Variants in TRIM17 observed in about 807,000 individuals in gnomAD.
TRIM17 encodes the protein tripartite motif containing 17.
TRIM17 carries 27 observed loss-of-function variants against 35.8 expected under a neutral mutation model. That is an observed-to-expected ratio of 0.75 (90% CI 0.56 to 1.04). The LOEUF is 1.04. Among genes scored for constraint, TRIM17 ranks in the 50% least tolerant of loss-of-function variants. TRIM17 has a pLI of 0.00. For synonymous variants in TRIM17, 246 were observed against 252.6 expected, an observed-to-expected ratio of 0.97 and a Z score of 0.25; for missense variants, 582 against 612.8, an observed-to-expected ratio of 0.95 and a Z score of 0.53.
Position 228,411,316 on chromosome 1 carries a change from G to A in TRIM17, c.526-140C>T, listed in dbSNP as rs531642716. ...GTTGGGGACCAGGAACTGTGACAGA[G>A]GCCCCCACCTCTGCCATCCTGTGAT... On this transcript the variant is annotated intron_variant, in intron 3 of 6. Coordinates refer to ENST00000366698, the MANE Select transcript of TRIM17 (RefSeq NM_016102.4). This position sits in a 1 kb window ranked among gnomAD's most constrained non-coding sequence, Gnocchi z 4.2. 2.1e-5 allele frequency: 14 copies of A among 672,718 alleles called. No individual in the cohort carries two copies. Among genetic ancestry groups the A allele is most frequent in the African/African-American group, 3.6e-5 (2 of 55,902 alleles). The allele number at this position is 672,718 out of a possible 1,614,324, so 41.7% of individuals were successfully genotyped here. A position where few individuals can be genotyped will look rare whatever the true frequency, so the allele number is the denominator to read the frequency against.
rs1005058010 is a variant in TRIM17 at position 228,408,877 on chromosome 1, T to C, written c.884-126A>G. 3 of 1,482,944 alleles carry C rather than the reference T, an allele frequency of 2.0e-6. No individual in the cohort carries two copies. In the African/African-American group the frequency reaches 4.2e-5, roughly 21 times the overall value. The allele number at this position is 1,482,944 out of a possible 1,614,324, so 91.9% of individuals were successfully genotyped here. A position where few individuals can be genotyped will look rare whatever the true frequency, so the allele number is the denominator to read the frequency against. On this transcript the variant is annotated intron_variant, in intron 6 of 6. Coordinates refer to ENST00000366698, the MANE Select transcript of TRIM17 (RefSeq NM_016102.4). This position sits in a 1 kb window ranked among gnomAD's most constrained non-coding sequence, Gnocchi z 6.3. ...CCCCTAACTCCGCAGAGGCCTCCCC[T>C]GCTGTGAATCTGGGGTTACTTGATG...
intron 3 of TRIM17, among the ~76,000 whole-genome samples, chr1:228,412,294 G>A (rs1032891371): frequency 4.6e-5 from 7 of 151,978 alleles, no homozygotes; most frequent in African/African-American, 9.7e-5. Context: ...TAAGGCTGCC[G>A]TTTCTGGTAC....
Position 228,416,852 on chromosome 1 carries a change from G to C in TRIM17, c.-355C>G. The C allele has an allele frequency of 1.0e-6, 1 of 985,162 alleles. No homozygotes were observed. The highest frequency in any genetic ancestry group is 1.2e-6 in the Non-Finnish European group (1 of 830,112). 61.0% of individuals were successfully genotyped at this position (985,162 alleles called of 1,614,324 possible). On this transcript the variant is annotated 5_prime_UTR_variant, in exon 1 of 7. Coordinates refer to ENST00000366698, the MANE Select transcript of TRIM17 (RefSeq NM_016102.4). ...GGACGAGCCGGGGACAGGCGCAGCG[G>C]GTGCTGACTGGGCGGTGGGGAGGAT...
chr1:228,409,292 CAG>C lies in TRIM17; in HGVS notation c.780-19_780-18del. On this transcript the variant is annotated intron_variant, in intron 5 of 6. Coordinates refer to ENST00000366698, the MANE Select transcript of TRIM17 (RefSeq NM_016102.4). ...TTGTTCTTCCTCCGGTGGGCACACA[CAG>C]GGGAGTCTTATTGACTCCCCTGGCC... 6.2e-7 allele frequency: 1 copy of C among 1,612,912 alleles called. No homozygotes were observed. Among genetic ancestry groups the C allele is most frequent in the Non-Finnish European group, 8.5e-7 (1 of 1,179,286 alleles).
intron 1 of TRIM17, 108 bp downstream of exon 1, chr1:228,416,431 G>T (rs1369282975): frequency 3.0e-6 from 3 of 986,714 alleles, no homozygotes; most frequent in Non-Finnish European, 3.6e-6. Flanking sequence ...GCGGCCGGCG[G>T]AGGCGGGAAG....
In TRIM17 at chr1:228,408,441, C is replaced by A; in HGVS notation, c.1194G>T (p.Lys398Asn). 1 of 1,614,204 alleles carries A rather than the reference C, an allele frequency of 6.2e-7. No homozygotes were observed. The stretch of plus-strand genomic sequence containing the variant: ...TTAGGGCAGAGAAGGTGGATAAGTA[C>A]TTGGTCCCCTTGGACAGCTGCACCA... ...FWVVQLSKGTKYLSTFSALTP... is the reference protein window; with the variant it reads ...FWVVQLSKGTNYLSTFSALTP... The change falls in exon 7 of 7, where the codon AAG becomes AAT. Residue 398 changes from lysine to asparagine, a missense_variant. Coordinates refer to ENST00000366698, the MANE Select transcript of TRIM17 (RefSeq NM_016102.4). The surrounding 1 kb of genome is among the most constrained non-coding windows in gnomAD (Gnocchi z 6.3).
chr1:228,408,740 GCAC>G lies in TRIM17; in HGVS notation c.892_894del (p.Val298del). 1 of 1,600,910 alleles carries G rather than the reference GCAC, an allele frequency of 6.2e-7. No individual in the cohort carries two copies. Among genetic ancestry groups the G allele is most frequent in the Non-Finnish European group, 8.5e-7 (1 of 1,179,618 alleles). On this transcript the variant is annotated inframe_deletion, in exon 7 of 7. Coordinates refer to ENST00000366698, the MANE Select transcript of TRIM17 (RefSeq NM_016102.4). This position sits in a 1 kb window ranked among gnomAD's most constrained non-coding sequence, Gnocchi z 6.3. The stretch of plus-strand genomic sequence containing the variant: ...TAGGGGTACGCGGAGGTGGCATCAG[GCAC>G]CACATCCTCTGTAGATGGGCGTGGT...
intron 3 of TRIM17, 73 bp downstream of exon 3, chr1:228,413,724 G>T: frequency 1.6e-6 from 2 of 1,284,454 alleles, no homozygotes; most frequent in Non-Finnish European, 2.2e-6. Context: ...ATCCCCACGG[G>T]CAGACACAGA....
chr1:228,408,693 G>T lies in TRIM17; in HGVS notation c.942C>A (p.Arg314=). The T allele has an allele frequency of 6.2e-7, 1 of 1,608,868 alleles. No individual in the cohort carries two copies. The highest frequency in any genetic ancestry group is 8.5e-7 in the Non-Finnish European group (1 of 1,179,998). ...AYPYLLLYES[R]QRRYLGSSPE... is the part of the protein sequence containing the mutation. Reference sequence around the variant, plus strand: ...GCGAAGAGCCGAGGTAGCGCCTCTGGCGGCTCTCATACAGGAGGAGGTAGG... The same window carrying T: ...GCGAAGAGCCGAGGTAGCGCCTCTGTCGGCTCTCATACAGGAGGAGGTAGG... The change falls in exon 7 of 7, where the codon CGC becomes CGA. Residue 314 remains arginine, a synonymous_variant. Coordinates refer to ENST00000366698, the MANE Select transcript of TRIM17 (RefSeq NM_016102.4). The surrounding 1 kb of genome is among the most constrained non-coding windows in gnomAD (Gnocchi z 6.3).
At position 228,410,838 on chromosome 1, in the gene TRIM17, G is replaced by A; in HGVS notation, c.756+108C>T. ...CCAGCCTCCAGGACTAGCAGACTGG[G>A]AGCTAACAGCCCTTTCCCGTTGGCT... On this transcript the variant is annotated intron_variant, in intron 4 of 6. Transcript: ENST00000366698. The surrounding 1 kb of genome is among the most constrained non-coding windows in gnomAD (Gnocchi z 4.6). 1.3e-6 allele frequency: 1 copy of A among 780,866 alleles called. No homozygotes were observed. 48.4% of individuals were successfully genotyped at this position (780,866 alleles called of 1,614,324 possible). A position where few individuals can be genotyped will look rare whatever the true frequency, so the allele number is the denominator to read the frequency against.
rs531181874 is a variant in TRIM17 at position 228,411,946 on chromosome 1, C to T, written c.526-770G>A. Among the ~76,000 whole-genome samples the T allele has an allele frequency of 6.6e-6, 1 of 152,308 alleles. No individual in the cohort carries two copies. The highest frequency in any genetic ancestry group is 2.4e-5 in the African/African-American group (1 of 41,560). ...TTTGAACTGGGCTCCTGCGCTGGGT[C>T]CTAGAAGACCAGACCCAACCAGAAT... On this transcript the variant is annotated intron_variant, in intron 3 of 6. Transcript: ENST00000366698. The surrounding 1 kb of genome is among the most constrained non-coding windows in gnomAD (Gnocchi z 4.2).
intron 2 of TRIM17, among the ~76,000 whole-genome samples, chr1:228,414,147 G>A (rs1656949805): frequency 6.6e-6 from 1 of 152,188 alleles, no homozygotes; most frequent in Non-Finnish European, 1.5e-5. Context: ...TGCCAGAGAG[G>A]ACTGCCCTAG....
rs1657167235 is a variant in TRIM17, at chr1:228,416,764, G to A, written c.-267C>T. The A allele has an allele frequency of 5.1e-6, 5 of 983,740 alleles. No individual in the cohort carries two copies. The highest frequency in any genetic ancestry group is 6.0e-6 in the Non-Finnish European group (5 of 829,064). 60.9% of individuals were successfully genotyped at this position (983,740 alleles called of 1,614,324 possible). On this transcript the variant is annotated 5_prime_UTR_variant, in exon 1 of 7. Transcript: ENST00000366698. ...GTGTTCGGCGGCCGGGACTGGGGCG[G>A]CGCCTCTTAGGAGAGGTTGGGGGTG... is the stretch of plus-strand genomic sequence containing the variant.
Position 228,414,869 on chromosome 1 carries a change from C to T in TRIM17, c.204G>A (p.Met68Ile), listed in dbSNP as rs764214671. 6.2e-7 allele frequency: 1 copy of T among 1,613,640 alleles called. No homozygotes were observed. Among genetic ancestry groups the T allele is most frequent in the Non-Finnish European group, 8.5e-7 (1 of 1,180,020 alleles). The part of the protein sequence containing the change: ...GSFPCPECRE[M>I]SPQRNLLPNR... ...TGGGCAGCAGGTTCCTCTGCGGGGACATCTCTCTGCACTCGGGGCAGGGGA... is the reference window on the plus strand; with the variant it reads ...TGGGCAGCAGGTTCCTCTGCGGGGATATCTCTCTGCACTCGGGGCAGGGGA... Residue 68 changes from methionine (M) to isoleucine (I), a missense_variant, in exon 2 of 7, where the codon ATG becomes ATA. Physicochemically the swap from Met to Ile is conservative, Grantham distance 10 (BLOSUM62 1). Transcript: ENST00000366698.
chr1:228,411,620 C>G lies in TRIM17; in HGVS notation c.526-444G>C, dbSNP rs1656792056. Among the ~76,000 whole-genome samples, 1 of 152,038 alleles carries G rather than the reference C, an allele frequency of 6.6e-6. No individual in the cohort carries two copies. The highest frequency in any genetic ancestry group is 2.4e-5 in the African/African-American group (1 of 41,376). On this transcript the variant is annotated intron_variant, in intron 3 of 6. Coordinates refer to ENST00000366698, the MANE Select transcript of TRIM17 (RefSeq NM_016102.4). This position sits in a 1 kb window ranked among gnomAD's most constrained non-coding sequence, Gnocchi z 4.2. ...GGACCACAGGCATGCACCACCACAT[C>G]CAGCTAGTTTTTAAATTTTGTGTAG... is the stretch of plus-strand genomic sequence containing the variant.
chr1:228,411,252 C>T lies in TRIM17; in HGVS notation c.526-76G>A, dbSNP rs1656770862. On this transcript the variant is annotated intron_variant, in intron 3 of 6. Coordinates refer to ENST00000366698, the MANE Select transcript of TRIM17 (RefSeq NM_016102.4). The surrounding 1 kb of genome is among the most constrained non-coding windows in gnomAD (Gnocchi z 4.2). ...GGGATGCTGGCACCTCTCCCCAGGG[C>T]CCTGGTGACCCACAAGATCACCAGC... The T allele has an allele frequency of 8.1e-7, 1 of 1,238,186 alleles. No homozygotes were observed. Among genetic ancestry groups the T allele is most frequent in the Non-Finnish European group, 1.1e-6 (1 of 886,312 alleles). 76.7% of individuals were successfully genotyped at this position (1,238,186 alleles called of 1,614,324 possible).
intron 3 of TRIM17, among the ~76,000 whole-genome samples, chr1:228,412,002 T>C (rs1656807064): frequency 6.6e-6 from 1 of 152,016 alleles, no homozygotes; most frequent in Non-Finnish European, 1.5e-5. Flanking sequence ...AACCAAGGGG[T>C]TCACTGATCA....
In TRIM17 at chr1:228,414,793, G is replaced by A; in HGVS notation, c.280C>T (p.Gln94Ter). ...AEMAQQHPGL[Q>*]KQDLCQEHHE... ...TGCTCCTGGCACAGGTCTTGCTTCT[G>A]CAGACCAGGATGCTGCTGCGCCATC... The change falls in exon 2 of 7, where the codon CAG (glutamine) becomes TAG (stop). Residue 94 changes from glutamine to a stop codon, truncating the protein, a stop_gained. Coordinates refer to ENST00000366698, the MANE Select transcript of TRIM17 (RefSeq NM_016102.4). LOFTEE classifies it high-confidence loss of function. 6.2e-7 allele frequency: 1 copy of A among 1,613,306 alleles called. No homozygotes were observed. The highest frequency in any genetic ancestry group is 8.5e-7 in the Non-Finnish European group (1 of 1,180,040).
chr1:228,414,566 T>TC, intron 2 of TRIM17, 78 bp downstream of exon 2: 1 of 1,289,112 alleles, frequency 7.8e-7, no homozygotes, highest in Admixed American at 1.8e-5. Context: ...ACCTCCTCCC[T>TC]CCCCCATGAT....
Sources: allele counts gnomAD v4.1 joint callset (sites outside exome capture counted in the v4.1 genomes callset), GRCh38; gene constraint gnomAD v4.1.1; non-coding constraint Gnocchi (gnomAD v3.1); transcripts MANE v1.5; gene names NCBI Gene and HGNC (gene_info 2026-07-23, HGNC 2026-07-21).